Variants in VTI1A observed in about 807,000 individuals in gnomAD.
VTI1A encodes vesicle transport through interaction with t-SNAREs homolog 1A.
VTI1A carries 22 observed loss-of-function variants against 34.9 expected under a neutral mutation model. That is an observed-to-expected ratio of 0.63 (90% CI 0.45 to 0.90). The LOEUF (loss-of-function observed/expected upper bound fraction) is 0.90, where lower values mean the gene tolerates loss of function less well. VTI1A is among the 40% of genes least tolerant of loss of function. VTI1A has a pLI of 0.00. For synonymous variants in VTI1A, 87 were observed against 97.3 expected (o/e 0.89, Z 0.62); for missense variants, 268 against 275.6 (o/e 0.97, Z 0.20).
intron 5 of VTI1A, among the ~76,000 whole-genome samples, chr10:112,600,435 T>G (rs1196260002): frequency 1.3e-5 from 2 of 152,190 alleles, no homozygotes; most frequent in African/African-American, 4.8e-5. Context: ...TTTCTACCAC[T>G]CTTCTTTACT....
chr10:112,562,071 G>A (rs975521160), intron 5 of VTI1A, among the ~76,000 whole-genome samples: 1 of 151,860 alleles, frequency 6.6e-6, no homozygotes, highest in Non-Finnish European at 1.5e-5. Flanking sequence ...CTTTCCTTCA[G>A]AAAAAATAAA....
intron 4 of VTI1A, 60 bp from the exon 5 acceptor site, chr10:112,538,186 C>CA (rs1252677442): frequency 3.3e-5 from 49 of 1,468,634 alleles, no homozygotes; most frequent in African/African-American, 1.3e-4. Context: ...TTTTTTAAGG[C>CA]AAAAAAAAGA....
At chr10:112,490,952 C>T (rs1848800261) in intron 3 of VTI1A, among the ~76,000 whole-genome samples, 1 of 152,052 alleles carries the variant, frequency 6.6e-6, no homozygotes, top group African/African-American at 2.4e-5. Flanking sequence ...CCCCCCTGCC[C>T]ACCCTCCCCT....
At chr10:112,696,122 G>A (rs890078224) in intron 7 of VTI1A, among the ~76,000 whole-genome samples, 5 of 140,268 alleles carry the variant, frequency 3.6e-5, no homozygotes, top group Admixed American at 2.9e-4. Context: ...ATATGCACGT[G>A]AGCACATCCA....
chr10:112,591,688 G>T (rs1227075071), intron 5 of VTI1A, among the ~76,000 whole-genome samples: 1 of 152,112 alleles, frequency 6.6e-6, no homozygotes, highest in East Asian at 1.9e-4. Context: ...AAGCTCCTTC[G>T]CTATATTCCC....
At chr10:112,679,306 T>A (rs1848135200) in intron 7 of VTI1A, among the ~76,000 whole-genome samples, 1 of 152,356 alleles carries the variant, frequency 6.6e-6, no homozygotes, top group South Asian at 2.1e-4. Context: ...GAAAGAATTC[T>A]TTTCTTTTAT....
chr10:112,627,216 T>C (rs1299919898), intron 5 of VTI1A, among the ~76,000 whole-genome samples: 1 of 152,192 alleles, frequency 6.6e-6, no homozygotes, highest in Non-Finnish European at 1.5e-5. Flanking sequence ...GATTCTATTT[T>C]TAACAAACTG....
At chr10:112,667,981 A>T (rs956648219) in intron 5 of VTI1A, among the ~76,000 whole-genome samples, 1 of 152,154 alleles carries the variant, frequency 6.6e-6, no homozygotes, top group African/African-American at 2.4e-5. Flanking sequence ...CATCATCTCT[A>T]AATCATTATT....
intron 7 of VTI1A, among the ~76,000 whole-genome samples, chr10:112,690,877 T>G (rs1409788431): frequency 6.6e-6 from 1 of 152,162 alleles, no homozygotes; most frequent in Non-Finnish European, 1.5e-5. Flanking sequence ...CAGATTCTTT[T>G]TAAAACATAG....
chr10:112,729,945 C>T (rs569636901), intron 7 of VTI1A, among the ~76,000 whole-genome samples: 1 of 152,358 alleles, frequency 6.6e-6, no homozygotes, highest in African/African-American at 2.4e-5. Flanking sequence ...GAAAGTTCCA[C>T]AGCCAAAGGC....
chr10:112,539,643 C>G (rs773630352), intron 5 of VTI1A, among the ~76,000 whole-genome samples: 1 of 152,118 alleles, frequency 6.6e-6, no homozygotes, highest in Non-Finnish European at 1.5e-5. Context: ...AGTCAGAGGA[C>G]CAGGCTTGGG....
chr10:112,669,004 A>G lies in VTI1A; in HGVS notation c.560+6A>G. On this transcript the variant is annotated splice_donor_region_variant and intron_variant, in intron 7 of 7. Transcript: ENST00000393077. ...CTGACAGGGATGTTGCGAAGGTAAG[A>G]GCAAGGTAGGGACATATCTTTCTCT... 6.2e-7 allele frequency: 1 copy of G among 1,612,124 alleles called. No homozygotes were observed. Among genetic ancestry groups the G allele is most frequent in the Non-Finnish European group, 8.5e-7 (1 of 1,178,516 alleles).
At chr10:112,480,553 T>G (rs1848427751) in intron 3 of VTI1A, among the ~76,000 whole-genome samples, 1 of 152,148 alleles carries the variant, frequency 6.6e-6, no homozygotes, top group African/African-American at 2.4e-5. Flanking sequence ...CGTGTAGGCA[T>G]GCATGCGTGT....
chr10:112,635,300 T>C (rs532387342), intron 5 of VTI1A, among the ~76,000 whole-genome samples: 1 of 152,296 alleles, frequency 6.6e-6, no homozygotes, highest in Non-Finnish European at 1.5e-5. Flanking sequence ...AGATGCAGAA[T>C]TCATGGCAGA....
At chr10:112,658,969 C>T (rs1847340806) in intron 5 of VTI1A, among the ~76,000 whole-genome samples, 1 of 152,204 alleles carries the variant, frequency 6.6e-6, no homozygotes, top group African/African-American at 2.4e-5. Context: ...ATAGTGACTT[C>T]TCAAACATGT....
chr10:112,513,965 A>G (rs138363545), intron 3 of VTI1A, among the ~76,000 whole-genome samples: 1 of 151,850 alleles, frequency 6.6e-6, no homozygotes, highest in African/African-American at 2.4e-5. Context: ...ATTGATGTAT[A>G]TATTTTTTCC....
At chr10:112,571,660 CATTCTACCAAAAGGT>C in intron 5 of VTI1A, among the ~76,000 whole-genome samples, 1 of 152,214 alleles carries the variant, frequency 6.6e-6, no homozygotes, top group East Asian at 1.9e-4. Context: ...AAAGGAAAAT[CATTCTACCAAAAGGT>C]AGAATGCACC....
intron 7 of VTI1A, chr10:112,737,353 A>T: frequency 9.8e-7 from 1 of 1,023,854 alleles, no homozygotes; most frequent in Non-Finnish European, 1.2e-6. Flanking sequence ...AATTATTTTT[A>T]AAAGGAGGAA....
rs906334554 is a variant in VTI1A, at chr10:112,817,854, T to G, written c.*2471T>G. ...TTAAAAATGATGTTTAAGGGAGTGG[T>G]TGGGGGGAAGATGAAGGCATGGAGG... is the stretch of plus-strand genomic sequence containing the variant. On this transcript the variant is annotated 3_prime_UTR_variant, in exon 8 of 8. Coordinates refer to ENST00000393077, the MANE Select transcript of VTI1A (RefSeq NM_145206.4). 1 of 232,674 alleles carries G rather than the reference T, an allele frequency of 4.3e-6. No homozygotes were observed. 14.4% of individuals were successfully genotyped at this position (232,674 alleles called of 1,614,324 possible).
Sources: gnomAD v4.1 joint callset for allele counts (sites outside exome capture counted in the v4.1 genomes callset) on GRCh38, gnomAD v4.1.1 for gene constraint, MANE v1.5 for transcripts, NCBI Gene and HGNC (gene_info 2026-07-23, HGNC 2026-07-21) for gene names.